The following ACSF3 variants were observed in gnomAD, a reference collection of about 807,000 sequenced individuals.
ACSF3 encodes acyl-CoA synthetase family member 3.
Under a neutral mutation model 53.2 loss-of-function variants are expected in ACSF3, and 78 were observed. The ratio of observed to expected loss-of-function variants is 1.47; its 90% CI spans 1.22 to 1.77. The LOEUF (loss-of-function observed/expected upper bound fraction) is 1.77, where lower values mean the gene tolerates loss of function less well. ACSF3 is among the 40% of genes most tolerant of loss of function. The probability of loss-of-function intolerance (pLI) is 0.00; values close to 1 mark genes in which losing one functional copy is unlikely to be tolerated. For synonymous variants in ACSF3, 414 were observed against 333.1 expected, an observed-to-expected ratio of 1.24 and a Z score of -2.65; for missense variants, 937 against 771.1, an observed-to-expected ratio of 1.22 and a Z score of -2.55.
chr16:89,139,224 T>C (rs1302107770), intron 8 of ACSF3, among the ~76,000 whole-genome samples: 1 of 152,170 alleles, frequency 6.6e-6, no homozygotes, highest in African/African-American at 2.4e-5. Context: ...GGTCTCCTGG[T>C]GCCAATTCCT....
chr16:89,142,777 ACC>A (rs1348261283), intron 8 of ACSF3, among the ~76,000 whole-genome samples: 1 of 147,640 alleles, frequency 6.8e-6, no homozygotes, highest in East Asian at 2.1e-4. Flanking sequence ...CTACAGAGAC[ACC>A]CACACCTGCA....
In ACSF3 at chr16:89,151,251, A is replaced by G. The variant is rs1300770795; in HGVS notation, c.1614-2839A>G. ...GAAACAGACTGAACAGTTCTGAGTT[A>G]CCAATTTAAAACTGCAAAGCAAATA... On this transcript the variant is annotated intron_variant, in intron 10 of 10. Coordinates refer to ENST00000614302, the MANE Select transcript of ACSF3 (RefSeq NM_001243279.3). The G allele has an allele frequency of 6.6e-6, 3 of 452,912 alleles. No homozygotes were observed. In the Admixed American group the frequency reaches 7.1e-5, roughly 11 times the overall value. The allele number at this position is 452,912 out of a possible 1,614,324, so 28.1% of individuals were successfully genotyped here.
At chr16:89,099,261 C>T (rs950052736) in intron 2 of ACSF3, among the ~76,000 whole-genome samples, 4 of 152,382 alleles carry the variant, frequency 2.6e-5, no homozygotes, top group African/African-American at 7.2e-5. Flanking sequence ...CCAGCCCTCA[C>T]GCGTCAGGAG....
intron 10 of ACSF3, among the ~76,000 whole-genome samples, chr16:89,147,045 G>A (rs535338299): frequency 3.2e-4 from 49 of 151,876 alleles, no homozygotes; most frequent in South Asian, 2.5e-3. Flanking sequence ...TACAGGAAGC[G>A]TGGCTGGGGA....
chr16:89,114,173 G>A (rs1597953399), intron 5 of ACSF3, 166 bp from the exon 6 acceptor site: 14 of 846,698 alleles, frequency 1.7e-5, no homozygotes, highest in African/African-American at 1.0e-4. Context: ...CGTTGGTCCC[G>A]GGTGTCGCAC....
At chr16:89,143,885 T>C (rs937786903) in intron 8 of ACSF3, among the ~76,000 whole-genome samples, 13 of 152,032 alleles carry the variant, frequency 8.6e-5, no homozygotes, top group Admixed American at 2.6e-4. Context: ...GTGAGGTGGA[T>C]GGATGGGGCC....
chr16:89,148,590 C>G (rs1913543265), intron 10 of ACSF3: 1 of 152,284 alleles, frequency 6.6e-6, no homozygotes, highest in Non-Finnish European at 1.5e-5. Context: ...CCACACAGTG[C>G]AAGCTGTCGG....
chr16:89,096,771 A>G (rs1597868152), intron 1 of ACSF3, among the ~76,000 whole-genome samples: 1 of 151,376 alleles, frequency 6.6e-6, no homozygotes, highest in South Asian at 2.1e-4. Context: ...GGCCCTTCTC[A>G]CCCTCCATAG....
intron 7 of ACSF3, among the ~76,000 whole-genome samples, chr16:89,131,689 T>C (rs907156834): frequency 3.3e-5 from 5 of 151,924 alleles, no homozygotes; most frequent in Admixed American, 6.6e-5. Context: ...CTCATTGTCA[T>C]TTTATTTGTA....
At chr16:89,146,308 G>A (rs985218023) in intron 10 of ACSF3, among the ~76,000 whole-genome samples, 2 of 152,180 alleles carry the variant, frequency 1.3e-5, no homozygotes, top group East Asian at 1.9e-4. Flanking sequence ...ACAGGGCCCT[G>A]TACGGCCTGT....
At chr16:89,114,695 G>T in intron 6 of ACSF3, 1 of 711,826 alleles carries the variant, frequency 1.4e-6, no homozygotes, top group Admixed American at 2.2e-5. Context: ...TCTCAGTCGG[G>T]TGGATGGGGG....
chr16:89,106,178 G>A (rs757317622), intron 4 of ACSF3, among the ~76,000 whole-genome samples: 2 of 152,222 alleles, frequency 1.3e-5, no homozygotes, highest in Non-Finnish European at 2.9e-5. Flanking sequence ...ACTGCAGACT[G>A]GCTCATTAAT....
rs559462915 is a variant in ACSF3, at chr16:89,154,892, A to AC, written c.*691dup. ...AGCTGCTCTGCCGTGACCCTGCCTCACCCCCCAGCGCAGGGACTTTCCAGG... is the reference window on the plus strand; with the variant it reads ...AGCTGCTCTGCCGTGACCCTGCCTCACCCCCCCAGCGCAGGGACTTTCCAGG... On this transcript the variant is annotated 3_prime_UTR_variant, in exon 11 of 11. Transcript: ENST00000614302. The AC allele has an allele frequency of 1.9e-3, 884 of 453,374 alleles. 6 individuals are homozygous for AC. Among genetic ancestry groups the AC allele is most frequent in the South Asian group, 3.1e-3 (201 of 64,428 alleles). 28.1% of individuals were successfully genotyped at this position (453,374 alleles called of 1,614,324 possible).
chr16:89,119,107 C>T (rs111409872), intron 6 of ACSF3, among the ~76,000 whole-genome samples: 13 of 151,110 alleles, frequency 8.6e-5, no homozygotes, highest in African/African-American at 2.2e-4. Flanking sequence ...CTCTCACGGG[C>T]GGCACCTGGA....
At chr16:89,117,216 C>G (rs903919419) in intron 6 of ACSF3, among the ~76,000 whole-genome samples, 7 of 152,192 alleles carry the variant, frequency 4.6e-5, no homozygotes, top group African/African-American at 1.4e-4. Flanking sequence ...ACTGTTCATC[C>G]ACAGCATTGC....
chr16:89,141,237 A>G (rs755876981), intron 8 of ACSF3: 2 of 1,286,004 alleles, frequency 1.6e-6, no homozygotes, highest in African/African-American at 3.0e-5. Context: ...GAAGAACAAA[A>G]CCAGCCACTT....
chr16:89,104,774 C>G (rs1975766715), intron 4 of ACSF3, among the ~76,000 whole-genome samples: 1 of 152,198 alleles, frequency 6.6e-6, no homozygotes, highest in African/African-American at 2.4e-5. Flanking sequence ...ACAGTGGGCA[C>G]AAACTTGGAA....
intron 8 of ACSF3, among the ~76,000 whole-genome samples, chr16:89,137,199 G>A (rs543001305): frequency 6.6e-6 from 1 of 152,320 alleles, no homozygotes; most frequent in East Asian, 1.9e-4. Flanking sequence ...GAGGAAACCT[G>A]ATAACCGAAC....
intron 7 of ACSF3, among the ~76,000 whole-genome samples, 167 bp from the exon 8 acceptor site, chr16:89,132,969 C>T (rs1173040997): frequency 6.6e-6 from 1 of 152,244 alleles, no homozygotes; most frequent in East Asian, 1.9e-4. Flanking sequence ...TTGGCTTCCA[C>T]CTGTCAAAGC....
Sources: gnomAD v4.1 joint callset for allele counts (sites outside exome capture counted in the v4.1 genomes callset) on GRCh38, gnomAD v4.1.1 for gene constraint, MANE v1.5 for transcripts, NCBI Gene and HGNC (gene_info 2026-07-23, HGNC 2026-07-21) for gene names.